The following ADAMTSL1 variants were observed in gnomAD, a reference collection of about 807,000 sequenced individuals.
ADAMTSL1 encodes ADAMTS like 1, also known as ADAMTS-like protein 1.
Under a neutral mutation model 201.8 loss-of-function variants are expected in ADAMTSL1, and 126 were observed. That is an observed-to-expected ratio of 0.62 (90% confidence interval 0.54 to 0.72). The LOEUF (loss-of-function observed/expected upper bound fraction) is 0.72, where lower values mean the gene tolerates loss of function less well. Among genes scored for constraint, ADAMTSL1 ranks in the 30% least tolerant of loss-of-function variants. ADAMTSL1 has a pLI of 0.00. For synonymous variants in ADAMTSL1, 1,121 were observed against 903.4 expected (o/e 1.24, Z -4.32); for missense variants, 2,679 against 2,277.8 (o/e 1.18, Z -3.59).
intron 7 of ADAMTSL1, among the ~76,000 whole-genome samples, chr9:18,643,102 C>G (rs191155561): frequency 2.0e-5 from 3 of 152,064 alleles, no homozygotes; most frequent in Admixed American, 2.0e-4. Context: ...TACCTTTTGT[C>G]TTTTTGATAA....
chr9:18,878,745 A>G (rs1255693161), intron 23 of ADAMTSL1, among the ~76,000 whole-genome samples: 3 of 152,296 alleles, frequency 2.0e-5, no homozygotes, highest in South Asian at 2.1e-4. Flanking sequence ...GAAAATCACA[A>G]TGTGAGTCTT....
intron 2 of ADAMTSL1, among the ~76,000 whole-genome samples, chr9:18,280,334 T>C (rs1832737488): frequency 6.7e-6 from 1 of 150,122 alleles, no homozygotes; most frequent in Admixed American, 6.6e-5. Context: ...CCTAAGGGGG[T>C]GGCTTGGCAC....
At chr9:18,019,900 A>G (rs1333929280) in intron 1 of ADAMTSL1, among the ~76,000 whole-genome samples, 2 of 152,040 alleles carry the variant, frequency 1.3e-5, no homozygotes, top group Admixed American at 1.3e-4. Flanking sequence ...GGCCTTGAGA[A>G]TCTAACCAGG....
intron 2 of ADAMTSL1, among the ~76,000 whole-genome samples, chr9:18,332,505 T>C (rs1389428799): frequency 2.6e-5 from 4 of 152,110 alleles, no homozygotes; most frequent in East Asian, 1.9e-4. Context: ...GGCTGGAATA[T>C]AGTGTTACAA....
chr9:18,545,252 A>T (rs1820403335), intron 3 of ADAMTSL1, among the ~76,000 whole-genome samples: 1 of 152,184 alleles, frequency 6.6e-6, no homozygotes, highest in South Asian at 2.1e-4. Flanking sequence ...TATACAGATA[A>T]GGAAATTGGA....
intron 5 of ADAMTSL1, chr9:18,622,668 T>G: frequency 1.9e-6 from 1 of 533,708 alleles, no homozygotes; most frequent in Non-Finnish European, 3.3e-6. Context: ...GAGGACAGAC[T>G]GTATCCCAGC....
chr9:18,315,818 G>A (rs561351946), intron 2 of ADAMTSL1, among the ~76,000 whole-genome samples: 1 of 152,336 alleles, frequency 6.6e-6, no homozygotes, highest in South Asian at 2.1e-4. Flanking sequence ...AGCACAGCCA[G>A]AGTGGACACC....
intron 5 of ADAMTSL1, among the ~76,000 whole-genome samples, chr9:18,630,267 T>C (rs1826670645): frequency 6.6e-6 from 1 of 152,186 alleles, no homozygotes; most frequent in African/African-American, 2.4e-5. Context: ...ACAAAGTTTG[T>C]CACTTTGGCT....
chr9:18,443,020 C>T (rs112371086), intron 2 of ADAMTSL1, among the ~76,000 whole-genome samples: 7 of 152,194 alleles, frequency 4.6e-5, no homozygotes, highest in Admixed American at 1.3e-4. Flanking sequence ...TCTTTACAAG[C>T]CTGTGCTTGC....
intron 2 of ADAMTSL1, among the ~76,000 whole-genome samples, chr9:18,431,682 A>C (rs895942846): frequency 6.6e-6 from 1 of 152,078 alleles, no homozygotes; most frequent in African/African-American, 2.4e-5. Flanking sequence ...TTGATAAAGA[A>C]AATTTCTCAG....
chr9:18,391,770 T>G (rs1838055260), intron 2 of ADAMTSL1, among the ~76,000 whole-genome samples: 1 of 152,060 alleles, frequency 6.6e-6, no homozygotes, highest in South Asian at 2.1e-4. Context: ...CAGATGATTT[T>G]TTGTTGTTGT....
At chr9:18,225,237 C>T (rs1370447954) in intron 2 of ADAMTSL1, among the ~76,000 whole-genome samples, 2 of 152,136 alleles carry the variant, frequency 1.3e-5, no homozygotes, top group Non-Finnish European at 2.9e-5. Context: ...AACATACCTT[C>T]CTCTAAAGTG....
chr9:18,340,179 C>G (rs1436028283), intron 2 of ADAMTSL1, among the ~76,000 whole-genome samples: 1 of 152,286 alleles, frequency 6.6e-6, no homozygotes, highest in South Asian at 2.1e-4. Flanking sequence ...TTTATTCTGT[C>G]TGGTTGTTTC....
At chr9:18,278,805 A>G (rs997678307) in intron 2 of ADAMTSL1, among the ~76,000 whole-genome samples, 6 of 151,986 alleles carry the variant, frequency 3.9e-5, no homozygotes, top group Admixed American at 3.3e-4. Context: ...TGACTTGCTT[A>G]GTGGTGTCTC....
chr9:18,889,558 C>G lies in ADAMTSL1; in HGVS notation c.4463-10C>G, dbSNP rs769743328. 6.2e-7 allele frequency: 1 copy of G among 1,613,344 alleles called. No homozygotes were observed. The highest frequency in any genetic ancestry group is 1.3e-5 in the African/African-American group (1 of 75,018). On this transcript the variant is annotated splice_polypyrimidine_tract_variant and intron_variant, in intron 24 of 28. Transcript: ENST00000380548. ...TATTCTTTTCTACACTGCTCCTCCT[C>G]CCATGACAGATTACTGGTGGTCTGT...
At chr9:18,045,955 T>C (rs1371507022) in intron 1 of ADAMTSL1, among the ~76,000 whole-genome samples, 1 of 152,180 alleles carries the variant, frequency 6.6e-6, no homozygotes, top group Non-Finnish European at 1.5e-5. Flanking sequence ...CACTGAGATA[T>C]TGAAGAAGCC....
chr9:18,456,238 C>G (rs909666510), intron 2 of ADAMTSL1, among the ~76,000 whole-genome samples: 8 of 152,108 alleles, frequency 5.3e-5, no homozygotes, highest in African/African-American at 1.9e-4. Context: ...ATAATTATTC[C>G]TCAGACTCTA....
intron 1 of ADAMTSL1, among the ~76,000 whole-genome samples, chr9:17,936,567 A>G (rs1563906486): frequency 6.6e-6 from 1 of 152,184 alleles, no homozygotes. Context: ...CAATCTGTGA[A>G]TGTGGGCAGG....
chr9:18,775,881 C>T lies in ADAMTSL1; in HGVS notation c.2536C>T (p.Leu846=), dbSNP rs368167190. ...CTCTTCCTCCATCAGGCCCTGTATG[C>T]TGGCAACCTGTGCAAGTAAGTATGT... ...PFSSSIRPCM[L]ATCARPGRPS... Residue 846 remains leucine, a synonymous_variant, in exon 18 of 29, where the codon CTG becomes TTG. Transcript: ENST00000380548. 42 of 1,596,106 alleles carry T rather than the reference C, an allele frequency of 2.6e-5. No individual in the cohort carries two copies. The highest frequency in any genetic ancestry group is 1.6e-4 in the Middle Eastern group (1 of 6,072).
Sources: allele counts gnomAD v4.1 joint callset (sites outside exome capture counted in the v4.1 genomes callset), GRCh38; gene constraint gnomAD v4.1.1; transcripts MANE v1.5; gene names NCBI Gene and HGNC (gene_info 2026-07-23, HGNC 2026-07-21).